The following THADA variants were observed in gnomAD, a reference collection of about 807,000 sequenced individuals.
The protein encoded by THADA is tRNA (32-2'-O)-methyltransferase regulator THADA.
THADA carries 213 observed loss-of-function variants against 219.8 expected under a neutral mutation model. The observed-to-expected ratio is 0.97, with a 90% CI of 0.87 to 1.09. The LOEUF (loss-of-function observed/expected upper bound fraction) is 1.09. Ranked by LOEUF, THADA falls within the 50% of genes least tolerant of loss-of-function variation. The pLI is 0.00. For synonymous variants in THADA, 1,018 were observed against 828.9 expected (o/e 1.23, Z -3.92); for missense variants, 2,956 against 2,311.3 (o/e 1.28, Z -5.72).
rs56965071 is a variant in THADA at position 43,302,453 on chromosome 2, CT to C, written c.4439-9241del. Among the ~76,000 whole-genome samples the C allele has an allele frequency of 9.9e-3, 1,403 of 141,088 alleles. 8 individuals are homozygous for C. Among genetic ancestry groups the C allele is most frequent in the South Asian group, 0.038 (165 of 4,398 alleles). 92.6% of individuals were successfully genotyped at this position (141,088 alleles called of 152,430 possible). ...AATTTGATTTCATTTTTGGAATTAA[CT>C]TTTTTTTTTTTTTTCACTCTTTGGA... is the stretch of plus-strand genomic sequence containing the variant. On this transcript the variant is annotated intron_variant, in intron 31 of 37. Transcript: ENST00000405975.
chr2:43,468,270 G>A (rs190898762), intron 26 of THADA, among the ~76,000 whole-genome samples: 273 of 152,284 alleles, frequency 1.8e-3, no homozygotes, highest in African/African-American at 6.1e-3. Context: ...AGTTAAAAAG[G>A]GGAAAAATCT....
intron 26 of THADA, among the ~76,000 whole-genome samples, chr2:43,441,550 C>T (rs1029543899): frequency 1.3e-5 from 2 of 152,214 alleles, no homozygotes; most frequent in Non-Finnish European, 2.9e-5. Flanking sequence ...TTCTCAACTA[C>T]ACTAAAAGGT....
At chr2:43,591,340 AC>A (rs1701544775) in intron 3 of THADA, among the ~76,000 whole-genome samples, 1 of 152,088 alleles carries the variant, frequency 6.6e-6, no homozygotes, top group Non-Finnish European at 1.5e-5. Context: ...AATAAATAAA[AC>A]AAAGTGTCAA....
At chr2:43,296,266 G>A (rs1271633013) in intron 31 of THADA, among the ~76,000 whole-genome samples, 2 of 150,828 alleles carry the variant, frequency 1.3e-5, no homozygotes, top group Admixed American at 6.6e-5. Context: ...CTCACCAGGA[G>A]GCATCTTTTT....
chr2:43,576,513 A>G (rs1217169811), intron 10 of THADA, among the ~76,000 whole-genome samples: 1 of 152,218 alleles, frequency 6.6e-6, no homozygotes, highest in African/African-American at 2.4e-5. Flanking sequence ...GGATCACATT[A>G]GATTACCTAT....
chr2:43,292,081 C>A, intron 33 of THADA, 23 bp downstream of exon 33: 1 of 1,511,864 alleles, frequency 6.6e-7, no homozygotes. Context: ...ACCAAGGTTG[C>A]ACAGGAGGTT....
rs1572897630 is a variant in THADA, at chr2:43,281,719, G to A, written c.5165-1823C>T. ...CCCAAAGTGCTGGGATTACAGGCAT[G>A]AGCCACCACGCCTGGCCTCTCATGC... is the stretch of plus-strand genomic sequence containing the variant. On this transcript the variant is annotated intron_variant, in intron 35 of 37. Coordinates refer to ENST00000405975, the MANE Select transcript of THADA (RefSeq NM_022065.5). Among the ~76,000 whole-genome samples, 3 of 152,122 alleles carry A rather than the reference G, an allele frequency of 2.0e-5. No individual in the cohort carries two copies. In the South Asian group the frequency reaches 6.2e-4, roughly 32 times the overall value.
At chr2:43,324,771 G>A (rs1032443424) in intron 30 of THADA, among the ~76,000 whole-genome samples, 4 of 152,240 alleles carry the variant, frequency 2.6e-5, no homozygotes, top group South Asian at 4.2e-4. Context: ...AGAGCAGCAC[G>A]CCAGCTGGAC....
At chr2:43,423,843 C>A (rs61175831) in intron 28 of THADA, among the ~76,000 whole-genome samples, 2,834 of 152,128 alleles carry the variant, frequency 0.019, 43 homozygotes, top group African/African-American at 0.047. Context: ...GACTTTTTGG[C>A]CTCTGAAAAG....
chr2:43,233,372 T>A (rs1174567185), intron 36 of THADA: 1 of 153,834 alleles, frequency 6.5e-6, no homozygotes, highest in Non-Finnish European at 1.4e-5. Flanking sequence ...CTATACCTCC[T>A]CACCTCGGCT....
At chr2:43,343,141 C>T (rs1667235535) in intron 30 of THADA, 1 of 152,252 alleles carries the variant, frequency 6.6e-6, no homozygotes, top group Non-Finnish European at 1.5e-5. Context: ...CATCCTCCTG[C>T]CTTAGCCTCC....
intron 21 of THADA, among the ~76,000 whole-genome samples, chr2:43,529,212 G>A (rs1006156509): frequency 6.6e-6 from 1 of 151,848 alleles, no homozygotes; most frequent in Non-Finnish European, 1.5e-5. Context: ...GAGTGCAGTG[G>A]CACAATCATA....
chr2:43,499,042 CAAAAA>C, intron 24 of THADA, 87 bp from the exon 25 acceptor site: 1 of 1,347,792 alleles, frequency 7.4e-7, no homozygotes, highest in Non-Finnish European at 9.8e-7. Context: ...AGCTTCAAAA[CAAAAA>C]ATTTACTGAA....
chr2:43,331,327 T>A (rs1665744251), intron 30 of THADA, among the ~76,000 whole-genome samples: 1 of 152,238 alleles, frequency 6.6e-6, no homozygotes, highest in Non-Finnish European at 1.5e-5. Flanking sequence ...CAACAGGGGC[T>A]TCCAGGTGAC....
intron 30 of THADA, among the ~76,000 whole-genome samples, chr2:43,328,839 G>C (rs961540843): frequency 6.6e-6 from 1 of 152,162 alleles, no homozygotes; most frequent in Non-Finnish European, 1.5e-5. Flanking sequence ...TGCTGCTGGA[G>C]GAAGCCCACA....
intron 8 of THADA, 73 bp downstream of exon 8, chr2:43,581,668 G>C (rs1700473448): frequency 7.6e-7 from 1 of 1,321,712 alleles, no homozygotes; most frequent in South Asian, 1.3e-5. Flanking sequence ...CACACTATTA[G>C]TAGGAAAAGC....
intron 36 of THADA, among the ~76,000 whole-genome samples, chr2:43,245,759 G>A (rs1669077098): frequency 6.6e-6 from 1 of 152,196 alleles, no homozygotes; most frequent in Non-Finnish European, 1.5e-5. Context: ...CAAGAAAGGG[G>A]ACTGCTTGGC....
intron 26 of THADA, among the ~76,000 whole-genome samples, chr2:43,470,799 A>T (rs1012716731): frequency 2.0e-5 from 3 of 152,230 alleles, no homozygotes; most frequent in Non-Finnish European, 4.4e-5. Flanking sequence ...AGCATAATCC[A>T]TTCATCCACC....
intron 26 of THADA, among the ~76,000 whole-genome samples, chr2:43,449,809 A>G (rs980749010): frequency 6.6e-6 from 1 of 152,186 alleles, no homozygotes; most frequent in African/African-American, 2.4e-5. Flanking sequence ...ACGGTCCTGA[A>G]TAAGATTATC....
Sources: allele counts gnomAD v4.1 joint callset (sites outside exome capture counted in the v4.1 genomes callset), GRCh38; gene constraint gnomAD v4.1.1; transcripts MANE v1.5; gene names NCBI Gene and HGNC (gene_info 2026-07-23, HGNC 2026-07-21).